IPO8: variants seen among roughly 807,000 people sequenced by gnomAD.
IPO8 encodes importin 8.
In IPO8, 65 loss-of-function variants were observed where a neutral mutation model predicts 141.2. The ratio of observed to expected loss-of-function variants is 0.46; its 90% CI spans 0.38 to 0.57. IPO8 has a LOEUF of 0.57. Ranked by LOEUF, IPO8 falls within the 20% of genes least tolerant of loss-of-function variation. The probability of loss-of-function intolerance (pLI) is 0.00; values close to 1 mark genes in which losing one functional copy is unlikely to be tolerated. For missense variants in IPO8, 980 were observed against 1,246.8 expected, an observed-to-expected ratio of 0.79 and a Z score of 3.22; for synonymous variants, 411 against 420.3, an observed-to-expected ratio of 0.98 and a Z score of 0.27.
In IPO8 at chr12:30,665,252, A is replaced by C. The variant is rs2052946139; in HGVS notation, c.1396T>G (p.Leu466Val). 6.3e-7 allele frequency: 1 copy of C among 1,597,700 alleles called. No individual in the cohort carries two copies. The highest frequency in any genetic ancestry group is 1.3e-5 in the African/African-American group (1 of 74,582). The change falls in exon 13 of 25, where the codon TTA becomes GTA. Residue 466 changes from leucine (L) to valine (V), a missense_variant. Physicochemically the swap from Leu to Val is conservative, Grantham distance 32 (BLOSUM62 1). Transcript: ENST00000256079. ...LFLQNHVFPLLLSNLGYLRAR... is the reference protein window; with the variant it reads ...LFLQNHVFPLVLSNLGYLRAR... ...CGAAGATATCCCAGGTTAGACAATA[A>C]TAATGGAAATACATGATTTTGTAGA...
At chr12:30,660,963 A>AACT (rs2052877849) in intron 16 of IPO8, among the ~76,000 whole-genome samples, 178 bp downstream of exon 16, 1 of 149,176 alleles carries the variant, frequency 6.7e-6, no homozygotes, top group South Asian at 2.1e-4. Flanking sequence ...ATGATGTAAT[A>AACT]TTATAATGTT....
At chr12:30,677,233 A>G (rs2053134339) in intron 5 of IPO8, 2 of 476,006 alleles carry the variant, frequency 4.2e-6, no homozygotes, top group Non-Finnish European at 8.0e-6. Context: ...GACAGACTGC[A>G]TATACAACAA....
chr12:30,643,779 T>C (rs1224885320), intron 20 of IPO8, among the ~76,000 whole-genome samples: 2 of 152,240 alleles, frequency 1.3e-5, no homozygotes, highest in Non-Finnish European at 2.9e-5. Context: ...TTCCACCACG[T>C]TGTGGTACAG....
Position 30,631,970 on chromosome 12 carries a change from C to A in IPO8, c.2941G>T (p.Ala981Ser), listed in dbSNP as rs966035402. ...RDAAWYQLLM[A>S]PLSEDQRTAL... ...GTCCTCTGATCCTCGCTGAGTGGTG[C>A]CATCAGCAGCTGGTACCAGGCTGCA... Residue 981 changes from alanine to serine, a missense_variant, in exon 24 of 25, where the codon GCA (alanine) becomes TCA (serine). By Grantham distance (99) the Ala-to-Ser change is moderately conservative (BLOSUM62 1). This residue lies in a region of IPO8 where 924 missense variants were observed against 1,153.9 expected (regional missense o/e 0.80). Transcript: ENST00000256079. 3 of 1,613,000 alleles carry A rather than the reference C, an allele frequency of 1.9e-6. No individual in the cohort carries two copies. Among genetic ancestry groups the A allele is most frequent in the Non-Finnish European group, 2.5e-6 (3 of 1,179,936 alleles).
Position 30,631,920 on chromosome 12 carries a change from C to T in IPO8, c.2991G>A (p.Leu997=). ...CTGCCACCGTCCGTCGGTGCTCTGC[C>T]AGTGTGTACACCTCCTGCAGTGCTG... ...QRTALQEVYT[L]AEHRRTVAEA... The change falls in exon 24 of 25, where the codon CTG becomes CTA. Residue 997 remains leucine (L), a synonymous_variant. Transcript: ENST00000256079. The T allele has an allele frequency of 6.2e-7, 1 of 1,612,454 alleles. No individual in the cohort carries two copies. Among genetic ancestry groups the T allele is most frequent in the Non-Finnish European group, 8.5e-7 (1 of 1,179,680 alleles).
chr12:30,670,971 T>C lies in IPO8; in HGVS notation c.1035A>G (p.Pro345=), dbSNP rs200473552. ...VHSITWKQMK[P]HIQNISEDVI... ...GCTCTCTGACACTAACCTGTATGTGTGGCTTCATCTGCTTCCAGGTTATAG... is the reference window on the plus strand; with the variant it reads ...GCTCTCTGACACTAACCTGTATGTGCGGCTTCATCTGCTTCCAGGTTATAG... The change falls in exon 9 of 25, where the codon CCA becomes CCG. Residue 345 remains proline (P), a synonymous_variant. Transcript: ENST00000256079. 148 of 1,613,048 alleles carry C rather than the reference T, an allele frequency of 9.2e-5. No homozygotes were observed. The highest frequency in any genetic ancestry group is 1.6e-4 in the Middle Eastern group (1 of 6,078).
intron 16 of IPO8, among the ~76,000 whole-genome samples, chr12:30,659,054 G>C (rs1172271160): frequency 6.6e-6 from 1 of 151,324 alleles, no homozygotes; most frequent in African/African-American, 2.4e-5. Context: ...CTAATTTTTT[G>C]TATTTTTAGT....
chr12:30,638,677 A>T (rs1401372220), intron 21 of IPO8, among the ~76,000 whole-genome samples: 1 of 151,334 alleles, frequency 6.6e-6, no homozygotes, highest in East Asian at 1.9e-4. Flanking sequence ...CACTCTTCCT[A>T]TTTTTTTGAG....
intron 1 of IPO8, among the ~76,000 whole-genome samples, chr12:30,694,355 T>A (rs1470386394): frequency 6.6e-6 from 1 of 152,220 alleles, no homozygotes; most frequent in East Asian, 1.9e-4. Context: ...CTCCTCTCCA[T>A]TGGCAGTGTC....
intron 22 of IPO8, among the ~76,000 whole-genome samples, chr12:30,635,097 C>A (rs1414874679): frequency 6.6e-6 from 1 of 152,068 alleles, no homozygotes; most frequent in Admixed American, 6.6e-5. Flanking sequence ...CTCACTTATA[C>A]ATAGAATCTA....
intron 2 of IPO8, among the ~76,000 whole-genome samples, chr12:30,685,383 C>T (rs1591845632): frequency 6.6e-6 from 1 of 151,694 alleles, no homozygotes; most frequent in East Asian, 2.0e-4. Flanking sequence ...AGGTGATCTG[C>T]CTGCCTCGGC....
Position 30,630,774 on chromosome 12 carries a change from G to T in IPO8, c.*86C>A, listed in dbSNP as rs188571311. On this transcript the variant is annotated 3_prime_UTR_variant, in exon 25 of 25. Coordinates refer to ENST00000256079, the MANE Select transcript of IPO8 (RefSeq NM_006390.4). ...GCACAGCAGGAGGGCCCTAAAAGCA[G>T]CCCCTCATTTCATCCCCTTGACCCT... 4.0e-5 allele frequency: 42 copies of T among 1,055,362 alleles called. No individual in the cohort carries two copies. In the Admixed American group the frequency reaches 6.6e-4, roughly 17 times the overall value. 65.4% of individuals were successfully genotyped at this position (1,055,362 alleles called of 1,614,324 possible). A position where few individuals can be genotyped will look rare whatever the true frequency, so the allele number is the denominator to read the frequency against.
At chr12:30,645,372 C>CAA (rs776070329) in intron 20 of IPO8, among the ~76,000 whole-genome samples, 12 of 99,148 alleles carry the variant, frequency 1.2e-4, no homozygotes, top group South Asian at 3.3e-4. Context: ...GACTTCATCT[C>CAA]AAAAAAAAAA....
chr12:30,662,679 A>G, intron 14 of IPO8, 192 bp from the exon 15 acceptor site: 1 of 609,418 alleles, frequency 1.6e-6, no homozygotes, highest in South Asian at 1.9e-5. Context: ...CAAGAGTAAT[A>G]TAAGGATAAG....
Position 30,637,128 on chromosome 12 carries a change from C to T in IPO8, c.2549G>A (p.Arg850Gln), listed in dbSNP as rs2052513662. Residue 850 changes from arginine to glutamine, a missense_variant, in exon 22 of 25, where the codon CGA becomes CAA. Transcript: ENST00000256079. ...GLSILLELQN[R>Q]PPAVDAVVGQ... ...CACCACAGCATCTACTGCAGGAGGT[C>T]GATTTTGCAATTCCAAAAGGATACT... The T allele has an allele frequency of 1.2e-6, 2 of 1,613,520 alleles. No homozygotes were observed.
chr12:30,631,725 A>T, intron 24 of IPO8, 170 bp downstream of exon 24: 1 of 568,690 alleles, frequency 1.8e-6, no homozygotes, highest in Non-Finnish European at 3.2e-6. Context: ...AAGCTAAGAC[A>T]TCATGAGTGA....
At chr12:30,690,623 AGTAG>A in intron 1 of IPO8, 46 bp from the exon 2 acceptor site, 5 of 1,040,716 alleles carry the variant, frequency 4.8e-6, no homozygotes, top group South Asian at 1.4e-5. Context: ...AATATAAGTG[AGTAG>A]CTTATAAGTT....
Position 30,637,167 on chromosome 12 carries a change from C to T in IPO8, c.2510G>A (p.Cys837Tyr). 1 of 1,613,434 alleles carries T rather than the reference C, an allele frequency of 6.2e-7. No homozygotes were observed. Among genetic ancestry groups the T allele is most frequent in the South Asian group, 1.1e-5 (1 of 91,034 alleles). Residue 837 changes from cysteine to tyrosine, a missense_variant, in exon 22 of 25, where the codon TGT becomes TAT. Physicochemically the swap from Cys to Tyr is radical, Grantham distance 194. Around this residue, in one of 3 missense-constraint regions of IPO8, gnomAD observed 924 missense variants for 1,153.9 expected, o/e 0.80. Coordinates refer to ENST00000256079, the MANE Select transcript of IPO8 (RefSeq NM_006390.4). ...CAAAAGGATACTCAGTCCTATTATA[C>T]ACATCTTCCGGTCATGATGCCTGCA... ...CFLGHHDRKM[C>Y]IIGLSILLEL...
chr12:30,663,594 T>G lies in IPO8; in HGVS notation c.1489A>C (p.Asn497His), dbSNP rs1201047747. ...LKFHNELNLRNAVELAKKSLI... is the reference protein window; with the variant it reads ...LKFHNELNLRHAVELAKKSLI... ...CTCTTCTTCGCTAATTCAACGGCAT[T>G]TCTTAGATTGAGCTCATTATGGAAC... The change falls in exon 14 of 25, where the codon AAT (asparagine) becomes CAT (histidine). Residue 497 changes from asparagine (N) to histidine (H), a missense_variant. Asn to His is a moderately conservative substitution (Grantham distance 68). Transcript: ENST00000256079. 6.2e-7 allele frequency: 1 copy of G among 1,613,470 alleles called. No individual in the cohort carries two copies. Among genetic ancestry groups the G allele is most frequent in the East Asian group, 2.2e-5 (1 of 44,860 alleles).
Sources: gnomAD v4.1 joint callset for allele counts (sites outside exome capture counted in the v4.1 genomes callset) on GRCh38, gnomAD v4.1.1 for gene constraint, gnomAD v4.1.1 regional missense constraint, MANE v1.5 for transcripts, NCBI Gene and HGNC (gene_info 2026-07-23, HGNC 2026-07-21) for gene names.